The following NRXN3 variants were observed in gnomAD, a reference collection of about 807,000 sequenced individuals.
NRXN3 encodes the protein neurexin III.
Under a neutral mutation model 137.6 loss-of-function variants are expected in NRXN3, and 32 were observed. The observed-to-expected ratio is 0.23, with a 90% CI of 0.18 to 0.31. The LOEUF (loss-of-function observed/expected upper bound fraction) is 0.31. Among genes scored for constraint, NRXN3 ranks in the 10% least tolerant of loss-of-function variants. The pLI is 1.00. For synonymous variants in NRXN3, 798 were observed against 784.5 expected, an observed-to-expected ratio of 1.02 and a Z score of -0.29; for missense variants, 1,574 against 2,062.5, an observed-to-expected ratio of 0.76 and a Z score of 4.59.
chr14:79,190,612 G>A (rs753477354), intron 15 of NRXN3, among the ~76,000 whole-genome samples: 1 of 152,012 alleles, frequency 6.6e-6, no homozygotes, highest in Non-Finnish European at 1.5e-5. Flanking sequence ...GGTTTCTCTC[G>A]ATATTCCGAG....
chr14:78,344,775 A>G (rs2082525745), intron 4 of NRXN3, among the ~76,000 whole-genome samples: 1 of 152,158 alleles, frequency 6.6e-6, no homozygotes, highest in Non-Finnish European at 1.5e-5. Context: ...TCATTGCTGT[A>G]TGGTTTTTTG....
chr14:79,292,866 G>A (rs368435378), intron 15 of NRXN3, among the ~76,000 whole-genome samples: 9 of 152,172 alleles, frequency 5.9e-5, no homozygotes, highest in East Asian at 3.9e-4. Context: ...TAAGTCTGCC[G>A]TGCATTACAG....
chr14:79,361,809 T>A (rs2093691254), intron 15 of NRXN3, among the ~76,000 whole-genome samples: 1 of 152,008 alleles, frequency 6.6e-6, no homozygotes, highest in African/African-American at 2.4e-5. Context: ...AAGGGAACAA[T>A]GTGTTTTTAC....
intron 1 of NRXN3, among the ~76,000 whole-genome samples, chr14:78,204,088 A>C (rs1182287597): frequency 6.6e-6 from 1 of 152,108 alleles, no homozygotes; most frequent in East Asian, 1.9e-4. Flanking sequence ...TTATTGTTGG[A>C]TATTTAAATT....
At chr14:78,473,611 G>C (rs2095324608) in intron 4 of NRXN3, among the ~76,000 whole-genome samples, 1 of 152,152 alleles carries the variant, frequency 6.6e-6, no homozygotes, top group Non-Finnish European at 1.5e-5. Flanking sequence ...ATGAAACTTA[G>C]TGGCTTTAGA....
At chr14:78,893,881 C>T (rs931290100) in intron 10 of NRXN3, among the ~76,000 whole-genome samples, 39 of 151,918 alleles carry the variant, frequency 2.6e-4, no homozygotes, top group African/African-American at 8.9e-4. Context: ...TGTTTGGTTT[C>T]CCAGTGCATA....
intron 17 of NRXN3, among the ~76,000 whole-genome samples, chr14:79,687,584 C>T (rs934517502): frequency 1.3e-5 from 2 of 152,102 alleles, no homozygotes; most frequent in Admixed American, 6.6e-5. Context: ...AAAATTTGTT[C>T]CTCCTTTATT....
intron 4 of NRXN3, among the ~76,000 whole-genome samples, chr14:78,619,245 C>T (rs1400354009): frequency 2.0e-5 from 3 of 152,168 alleles, no homozygotes; most frequent in South Asian, 4.2e-4. Context: ...TTCATTTAGA[C>T]GGCCTTGCTT....
intron 2 of NRXN3, among the ~76,000 whole-genome samples, chr14:78,260,068 C>T (rs1319733535): frequency 6.6e-6 from 1 of 152,204 alleles, no homozygotes; most frequent in African/African-American, 2.4e-5. Flanking sequence ...CTCTTTCCAC[C>T]TCATCCAACA....
intron 19 of NRXN3, among the ~76,000 whole-genome samples, chr14:79,705,038 G>A (rs1331890134): frequency 6.6e-6 from 1 of 152,102 alleles, no homozygotes; most frequent in Non-Finnish European, 1.5e-5. Flanking sequence ...GGGTCCTGAG[G>A]GCAGACGAAG....
At chr14:78,504,906 C>G (rs1243597145) in intron 4 of NRXN3, among the ~76,000 whole-genome samples, 4 of 152,092 alleles carry the variant, frequency 2.6e-5, no homozygotes, top group Admixed American at 2.6e-4. Flanking sequence ...CATCCGGGCC[C>G]GACAAGAGGG....
intron 15 of NRXN3, among the ~76,000 whole-genome samples, chr14:79,260,536 T>C (rs2077441370): frequency 6.6e-6 from 1 of 152,116 alleles, no homozygotes; most frequent in Admixed American, 6.5e-5. Context: ...GTATATTGTC[T>C]CTGTATGATT....
chr14:79,468,120 C>T (rs1349653304), intron 16 of NRXN3, among the ~76,000 whole-genome samples: 1 of 152,176 alleles, frequency 6.6e-6, no homozygotes, highest in African/African-American at 2.4e-5. Flanking sequence ...GCATACTCAA[C>T]ATTTTGCTTT....
intron 1 of NRXN3, among the ~76,000 whole-genome samples, chr14:78,201,736 G>A (rs370127205): frequency 6.6e-6 from 1 of 152,224 alleles, no homozygotes; most frequent in African/African-American, 2.4e-5. Context: ...GAGACAGAAG[G>A]TGGAGAAGAA....
At chr14:79,592,237 T>G (rs1188128686) in intron 16 of NRXN3, among the ~76,000 whole-genome samples, 3 of 152,232 alleles carry the variant, frequency 2.0e-5, no homozygotes, top group African/African-American at 4.8e-5. Context: ...CTCAGCGGAT[T>G]GCTTTTTAAT....
At chr14:78,541,450 G>T (rs1701437816) in intron 4 of NRXN3, among the ~76,000 whole-genome samples, 1 of 152,194 alleles carries the variant, frequency 6.6e-6, no homozygotes, top group South Asian at 2.1e-4. Context: ...CTCGTGCCAT[G>T]ATTTTCAGCT....
At chr14:78,296,305 A>G (rs1214352058) in intron 3 of NRXN3, among the ~76,000 whole-genome samples, 1 of 152,026 alleles carries the variant, frequency 6.6e-6, no homozygotes, top group African/African-American at 2.4e-5. Flanking sequence ...GACTCAAGCT[A>G]TTCTCCTGCT....
intron 19 of NRXN3, among the ~76,000 whole-genome samples, chr14:79,799,720 G>A (rs1028491297): frequency 6.6e-6 from 1 of 152,006 alleles, no homozygotes; most frequent in Non-Finnish European, 1.5e-5. Context: ...TCTCACCACT[G>A]CCTGTCCCTG....
At position 79,761,292 on chromosome 14, in the gene NRXN3, C is replaced by T. The variant is rs557692801; in HGVS notation, c.4015-43820C>T. On this transcript the variant is annotated intron_variant, in intron 19 of 20. Coordinates refer to ENST00000335750, the MANE Select transcript of NRXN3 (RefSeq NM_001330195.2). Reference sequence around the variant, plus strand: ...GCAGCGAACTTAAAGCTCAGTTCAACGCAATGATCCTTCATCATAGCTGGG... The same window carrying T: ...GCAGCGAACTTAAAGCTCAGTTCAATGCAATGATCCTTCATCATAGCTGGG... Among the ~76,000 whole-genome samples, 6 of 151,738 alleles carry T rather than the reference C, an allele frequency of 4.0e-5. No homozygotes were observed. In the South Asian group the frequency reaches 8.3e-4, roughly 21 times the overall value.
Sources: gnomAD v4.1 joint callset for allele counts (sites outside exome capture counted in the v4.1 genomes callset) on GRCh38, gnomAD v4.1.1 for gene constraint, MANE v1.5 for transcripts, NCBI Gene and HGNC (gene_info 2026-07-23, HGNC 2026-07-21) for gene names.